The following ARMC9 variants were observed in gnomAD, a reference collection of about 807,000 sequenced individuals.
ARMC9 encodes the protein armadillo repeat containing 9.
A neutral mutation model predicts 107.0 loss-of-function variants in ARMC9; 94 were observed. That is an observed-to-expected ratio of 0.88 (90% CI 0.74 to 1.04). The LOEUF is 1.04. Ranked by LOEUF, ARMC9 falls within the 50% of genes least tolerant of loss-of-function variation. ARMC9 has a pLI of 0.00. For missense variants in ARMC9, 942 were observed against 1,030.1 expected (o/e 0.91, Z 1.17); for synonymous variants, 380 against 396.9 (o/e 0.96, Z 0.51).
At chr2:231,220,427 T>A (rs1475493931) in intron 5 of ARMC9, among the ~76,000 whole-genome samples, 2 of 151,906 alleles carry the variant, frequency 1.3e-5, no homozygotes, top group Admixed American at 6.6e-5. Context: ...TGAAACCCTG[T>A]CTCTACTAAA....
At chr2:231,281,922 T>C in intron 16 of ARMC9, 137 bp from the exon 17 acceptor site, 1 of 763,444 alleles carries the variant, frequency 1.3e-6, no homozygotes, top group East Asian at 2.6e-5. Flanking sequence ...ACATACATCC[T>C]GGAGCACAGG....
At chr2:231,338,518 C>T (rs2044280352) in intron 20 of ARMC9, among the ~76,000 whole-genome samples, 2 of 150,154 alleles carry the variant, frequency 1.3e-5, no homozygotes. Flanking sequence ...TGAGCCACCT[C>T]GCCCGGCCCC....
chr2:231,342,245 A>G (rs2044561471), intron 20 of ARMC9, among the ~76,000 whole-genome samples: 1 of 152,236 alleles, frequency 6.6e-6, no homozygotes, highest in African/African-American at 2.4e-5. Context: ...CATTTTTGCA[A>G]CAGACCAGGC....
intron 19 of ARMC9, among the ~76,000 whole-genome samples, chr2:231,325,497 A>G (rs2043264225): frequency 6.6e-6 from 1 of 152,158 alleles, no homozygotes; most frequent in African/African-American, 2.4e-5. Flanking sequence ...TGTCTCACCA[A>G]TACCTTGGTG....
At chr2:231,330,253 A>C (rs1320755034) in intron 19 of ARMC9, among the ~76,000 whole-genome samples, 1 of 136,484 alleles carries the variant, frequency 7.3e-6, no homozygotes, top group African/African-American at 2.7e-5. Flanking sequence ...TTTGAGACGG[A>C]ATCTCGCTCT....
Position 231,208,258 on chromosome 2 carries a change from A to G in ARMC9, c.177+6A>G. On this transcript the variant is annotated splice_donor_region_variant and intron_variant, in intron 3 of 24. Transcript: ENST00000611582. ...CCAAATCATTGACAATTCAGGTAACATTTTGCTTATTTTTCATCCCTGTAG... is the reference window on the plus strand; with the variant it reads ...CCAAATCATTGACAATTCAGGTAACGTTTTGCTTATTTTTCATCCCTGTAG... The G allele has an allele frequency of 6.2e-7, 1 of 1,600,328 alleles. No homozygotes were observed. The highest frequency in any genetic ancestry group is 8.5e-7 in the Non-Finnish European group (1 of 1,170,878).
rs139505272 is a variant in ARMC9, at chr2:231,296,498, A to G, written c.1773+245A>G. On this transcript the variant is annotated intron_variant, in intron 19 of 24. Coordinates refer to ENST00000611582, the MANE Select transcript of ARMC9 (RefSeq NM_001352754.2). The stretch of plus-strand genomic sequence containing the variant: ...ATTGGGTTCACAGCAGAGACGCAGC[A>G]TTGCATGTCATTCGAGTTTCATGGG... Among the ~76,000 whole-genome samples, 545 of 152,316 alleles carry G rather than the reference A, an allele frequency of 3.6e-3. 2 individuals are homozygous for G. Among genetic ancestry groups the G allele is most frequent in the Non-Finnish European group, 4.8e-3 (324 of 68,030 alleles).
intron 3 of ARMC9, among the ~76,000 whole-genome samples, chr2:231,211,192 C>T (rs1462951056): frequency 6.6e-6 from 1 of 151,842 alleles, no homozygotes; most frequent in African/African-American, 2.4e-5. Context: ...TGTTGATGGA[C>T]ACTTGGGTTG....
chr2:231,205,557 G>GA, intron 1 of ARMC9, among the ~76,000 whole-genome samples: 1 of 152,320 alleles, frequency 6.6e-6, no homozygotes, highest in Non-Finnish European at 1.5e-5. Context: ...GGGCCATGGG[G>GA]AATGACTGCT....
chr2:231,285,522 G>C (rs901592192), intron 17 of ARMC9, among the ~76,000 whole-genome samples: 2 of 150,316 alleles, frequency 1.3e-5, no homozygotes, highest in African/African-American at 4.9e-5. Context: ...GGTGGGCGCC[G>C]ATAATCCCAG....
chr2:231,324,216 C>A (rs1454403606), intron 19 of ARMC9, among the ~76,000 whole-genome samples: 1 of 150,008 alleles, frequency 6.7e-6, no homozygotes, highest in South Asian at 2.1e-4. Flanking sequence ...CAACCTCCGC[C>A]TCCCAGGTTC....
At chr2:231,361,968 C>G (rs1425686372) in intron 23 of ARMC9, among the ~76,000 whole-genome samples, 1 of 152,046 alleles carries the variant, frequency 6.6e-6, no homozygotes, top group Admixed American at 6.6e-5. Context: ...GTGGGATGGG[C>G]TAGAAGCCGA....
At chr2:231,264,447 G>T (rs1250012216) in intron 12 of ARMC9, among the ~76,000 whole-genome samples, 2 of 152,096 alleles carry the variant, frequency 1.3e-5, no homozygotes, top group Admixed American at 1.3e-4. Flanking sequence ...CCAAAGTGCT[G>T]GGATTACAGG....
At chr2:231,238,732 G>A (rs919968583) in intron 8 of ARMC9, among the ~76,000 whole-genome samples, 6 of 152,342 alleles carry the variant, frequency 3.9e-5, no homozygotes, top group African/African-American at 1.2e-4. Context: ...GATAATATAG[G>A]AGGTCTAGCC....
chr2:231,293,433 C>T (rs1210666720), intron 18 of ARMC9, among the ~76,000 whole-genome samples: 1 of 152,166 alleles, frequency 6.6e-6, no homozygotes, highest in South Asian at 2.1e-4. Context: ...TCAAGGCCAC[C>T]TGTGTGTTTT....
intron 19 of ARMC9, 26 bp downstream of exon 19, chr2:231,296,279 A>C: frequency 1.3e-6 from 2 of 1,594,098 alleles, no homozygotes; most frequent in Non-Finnish European, 1.7e-6. Flanking sequence ...TTGACACCAC[A>C]TAGAAAACCC....
At chr2:231,289,251 G>C (rs2040821696) in intron 17 of ARMC9, among the ~76,000 whole-genome samples, 2 of 152,148 alleles carry the variant, frequency 1.3e-5, no homozygotes, top group South Asian at 4.1e-4. Flanking sequence ...AAGACTACTT[G>C]AGCCCAGGAG....
rs1284788787 is a variant in ARMC9 at position 231,370,087 on chromosome 2, G to GT, written c.2396_2397insT (p.Gly801ArgfsTer167). Reference sequence around the variant, plus strand: ...TCGTGTGGCCCCCAGCAGGCCAGCCGCCCCGGCTCCACAGCGTCCTCCACA... The same window carrying GT: ...TCGTGTGGCCCCCAGCAGGCCAGCCGTCCCCGGCTCCACAGCGTCCTCCACA... On this transcript the variant is annotated frameshift_variant, in exon 24 of 25. Coordinates refer to ENST00000611582, the MANE Select transcript of ARMC9 (RefSeq NM_001352754.2). LOFTEE classifies it low-confidence loss of function (END_TRUNC). 1.3e-6 allele frequency: 2 copies of GT among 1,533,916 alleles called. No homozygotes were observed. Among genetic ancestry groups the GT allele is most frequent in the African/African-American group, 2.7e-5 (2 of 72,972 alleles).
At chr2:231,220,636 G>C (rs912221464) in intron 5 of ARMC9, among the ~76,000 whole-genome samples, 1 of 149,332 alleles carries the variant, frequency 6.7e-6, no homozygotes, top group Non-Finnish European at 1.5e-5. Flanking sequence ...TGGCTTCCTA[G>C]CTCTAATTTT....
Sources: allele counts gnomAD v4.1 joint callset (sites outside exome capture counted in the v4.1 genomes callset), GRCh38; gene constraint gnomAD v4.1.1; transcripts MANE v1.5; gene names NCBI Gene and HGNC (gene_info 2026-07-23, HGNC 2026-07-21).